The following MKX variants were observed in gnomAD, a reference collection of about 807,000 sequenced individuals.
MKX encodes mohawk homeobox.
Under a neutral mutation model 36.0 loss-of-function variants are expected in MKX, and 13 were observed. That is an observed-to-expected ratio of 0.36 (90% CI 0.24 to 0.57). The LOEUF is 0.57. Among genes scored for constraint, MKX ranks in the 20% least tolerant of loss-of-function variants. MKX has a pLI of 0.79. For missense variants in MKX, 458 were observed against 456.4 expected (o/e 1.00, Z -0.03); for synonymous variants, 176 against 178.3 (o/e 0.99, Z 0.10).
intron 3 of MKX, among the ~76,000 whole-genome samples, chr10:27,738,058 T>A (rs1301829680): frequency 2.0e-5 from 3 of 152,124 alleles, no homozygotes; most frequent in African/African-American, 4.8e-5. Context: ...GTCTTTTTTT[T>A]AACCATATTA....
At chr10:27,724,788 C>CAT (rs1183057488) in intron 5 of MKX, among the ~76,000 whole-genome samples, 1 of 151,206 alleles carries the variant, frequency 6.6e-6, no homozygotes, top group Non-Finnish European at 1.5e-5. Flanking sequence ...CACACACACA[C>CAT]ACACCCCGCA....
chr10:27,691,471 A>G (rs1836452614), intron 5 of MKX, among the ~76,000 whole-genome samples: 2 of 152,188 alleles, frequency 1.3e-5, no homozygotes, highest in South Asian at 2.1e-4. Context: ...ATATATATAT[A>G]TTATTGGATT....
At chr10:27,705,728 G>A (rs531526298) in intron 5 of MKX, among the ~76,000 whole-genome samples, 126 of 152,168 alleles carry the variant, frequency 8.3e-4, no homozygotes, top group Middle Eastern at 3.4e-3. Context: ...TACCAACTGT[G>A]GCTATCACTA....
intron 5 of MKX, among the ~76,000 whole-genome samples, chr10:27,708,266 GTACTT>G (rs1836791247): frequency 6.6e-6 from 1 of 152,100 alleles, no homozygotes; most frequent in Admixed American, 6.6e-5. Flanking sequence ...CTTGTAAAAA[GTACTT>G]TACTTCTCAC....
intron 5 of MKX, among the ~76,000 whole-genome samples, chr10:27,710,255 C>T (rs1032149212): frequency 2.0e-5 from 3 of 152,132 alleles, no homozygotes; most frequent in African/African-American, 7.2e-5. Context: ...GCAGAGATTC[C>T]TAGAATTGTC....
intron 5 of MKX, among the ~76,000 whole-genome samples, chr10:27,676,610 T>G (rs1199679134): frequency 1.3e-5 from 2 of 152,054 alleles, no homozygotes; most frequent in Non-Finnish European, 2.9e-5. Context: ...ACTCCTGACC[T>G]CGTGATCAGC....
At chr10:27,739,315 CA>C (rs1322023216) in intron 3 of MKX, among the ~76,000 whole-genome samples, 1 of 151,966 alleles carries the variant, frequency 6.6e-6, no homozygotes, top group Non-Finnish European at 1.5e-5. Context: ...TTCCATTTAT[CA>C]CTTTAAAGTT....
intron 5 of MKX, among the ~76,000 whole-genome samples, chr10:27,696,279 G>C (rs191579826): frequency 6.6e-6 from 1 of 152,248 alleles, no homozygotes; most frequent in East Asian, 1.9e-4. Flanking sequence ...AGATATAAGA[G>C]TAGCAAACAA....
rs1425876786 is a variant in MKX at position 27,672,919 on chromosome 10, C to T, written c.*2310G>A. On this transcript the variant is annotated 3_prime_UTR_variant, in exon 7 of 7. Transcript: ENST00000419761. ...TTTATTTTAAATCTGTCAAGAACTCCTGGCAGTTATTAATTTTATTAAAAT... is the reference window on the plus strand; with the variant it reads ...TTTATTTTAAATCTGTCAAGAACTCTTGGCAGTTATTAATTTTATTAAAAT... The T allele has an allele frequency of 2.0e-5, 3 of 152,088 alleles. No homozygotes were observed. Among genetic ancestry groups the T allele is most frequent in the Non-Finnish European group, 4.4e-5 (3 of 68,022 alleles). 9.4% of individuals were successfully genotyped at this position (152,088 alleles called of 1,614,324 possible). A position where few individuals can be genotyped will look rare whatever the true frequency, so the allele number is the denominator to read the frequency against.
chr10:27,678,706 G>A (rs137912168), intron 5 of MKX, among the ~76,000 whole-genome samples: 2 of 152,236 alleles, frequency 1.3e-5, no homozygotes, highest in Admixed American at 6.5e-5. Context: ...TCAGGTCCAC[G>A]GAGAGCTTCT....
chr10:27,713,107 G>C (rs1836901592), intron 5 of MKX, among the ~76,000 whole-genome samples: 1 of 152,166 alleles, frequency 6.6e-6, no homozygotes, highest in African/African-American at 2.4e-5. Flanking sequence ...ACGCGATGAG[G>C]AACAGGGAGC....
chr10:27,682,290 T>A (rs1461899343), intron 5 of MKX, among the ~76,000 whole-genome samples: 1 of 152,220 alleles, frequency 6.6e-6, no homozygotes, highest in East Asian at 1.9e-4. Flanking sequence ...GAGTCAAAAC[T>A]TTTTTTAAAA....
intron 5 of MKX, among the ~76,000 whole-genome samples, chr10:27,715,940 A>G (rs572148608): frequency 1.3e-5 from 2 of 152,110 alleles, no homozygotes; most frequent in South Asian, 4.2e-4. Flanking sequence ...ACATAAAAGC[A>G]GGTCTAAGGA....
At chr10:27,716,739 G>A (rs150844246) in intron 5 of MKX, among the ~76,000 whole-genome samples, 236 of 152,202 alleles carry the variant, frequency 1.6e-3, no homozygotes, top group African/African-American at 5.3e-3. Context: ...AAACATTTGT[G>A]GTTGTACGGG....
intron 5 of MKX, among the ~76,000 whole-genome samples, chr10:27,710,205 G>T (rs931725718): frequency 7.9e-5 from 12 of 152,162 alleles, no homozygotes; most frequent in African/African-American, 2.9e-4. Context: ...TGCCTCAGAA[G>T]TTCAGAGATG....
At chr10:27,738,375 T>G (rs1389976671) in intron 3 of MKX, among the ~76,000 whole-genome samples, 1 of 152,064 alleles carries the variant, frequency 6.6e-6, no homozygotes, top group Admixed American at 6.5e-5. Flanking sequence ...GGTAAAAATA[T>G]CGGTTCAAAT....
chr10:27,691,057 C>T (rs897098969), intron 5 of MKX, among the ~76,000 whole-genome samples: 18 of 152,090 alleles, frequency 1.2e-4, no homozygotes, highest in Non-Finnish European at 1.3e-4. Flanking sequence ...GTACATTTCC[C>T]GAGGCCTCCC....
chr10:27,727,241 T>C (rs1004564005), intron 5 of MKX, among the ~76,000 whole-genome samples: 1 of 152,244 alleles, frequency 6.6e-6, no homozygotes, highest in Non-Finnish European at 1.5e-5. Flanking sequence ...CTATATAGTA[T>C]GATAGTGCGA....
intron 5 of MKX, among the ~76,000 whole-genome samples, chr10:27,729,241 A>G (rs1834563412): frequency 1.3e-5 from 2 of 150,852 alleles, no homozygotes; most frequent in African/African-American, 4.9e-5. Context: ...TATAAAGTAT[A>G]TGCTGACAGA....
Sources: allele counts gnomAD v4.1 joint callset (sites outside exome capture counted in the v4.1 genomes callset), GRCh38; gene constraint gnomAD v4.1.1; transcripts MANE v1.5; gene names NCBI Gene and HGNC (gene_info 2026-07-23, HGNC 2026-07-21).